DNAH2: variants seen among roughly 807,000 people sequenced by gnomAD.
DNAH2 encodes dynein axonemal heavy chain 2.
In DNAH2, 323 loss-of-function variants were observed where a neutral mutation model predicts 523.5. The ratio of observed to expected loss-of-function variants is 0.62; its 90% CI spans 0.56 to 0.68. The LOEUF (loss-of-function observed/expected upper bound fraction) is 0.68, where lower values mean the gene tolerates loss of function less well. DNAH2 is among the 30% of genes least tolerant of loss of function. The pLI is 0.00. For synonymous variants in DNAH2, 2,093 were observed against 2,177.4 expected (o/e 0.96, Z 1.08); for missense variants, 4,907 against 5,701.5 (o/e 0.86, Z 4.49).
At chr17:7,749,336 A>C (rs1480384458) in intron 12 of DNAH2, among the ~76,000 whole-genome samples, 9 of 145,668 alleles carry the variant, frequency 6.2e-5, no homozygotes, top group South Asian at 2.2e-4. Context: ...AAAAAAAAAA[A>C]AAAAAAAAAA....
rs746204402 is a variant in DNAH2, at chr17:7,723,902, C to T, written c.228+213C>T. Among the ~76,000 whole-genome samples the T allele has an allele frequency of 5.0e-4, 76 of 152,010 alleles. 1 individual carries two copies. The highest frequency in any genetic ancestry group is 1.3e-4 in the Non-Finnish European group (9 of 67,984). ...GGACAGAGGAGGGCTTTAAGTAAGG[C>T]GCAGGTCTCTCTTGTCTCCCCACCT... On this transcript the variant is annotated intron_variant, in intron 3 of 85. Transcript: ENST00000572933.
chr17:7,819,873 A>G (rs565143257), intron 72 of DNAH2, among the ~76,000 whole-genome samples: 1 of 152,080 alleles, frequency 6.6e-6, no homozygotes, highest in African/African-American at 2.4e-5. Flanking sequence ...TTCAGATCAA[A>G]CTCATTCTCT....
chr17:7,766,516 C>A lies in DNAH2; in HGVS notation c.3675+35C>A. The A allele has an allele frequency of 1.9e-6, 3 of 1,604,010 alleles. No homozygotes were observed. The South Asian group carries it at 3.3e-5, about 18-fold the overall frequency. On this transcript the variant is annotated intron_variant, in intron 22 of 85. Coordinates refer to ENST00000572933, the MANE Select transcript of DNAH2 (RefSeq NM_020877.5). ...TGAGCAAGGACCCTGTGGTCACTGT[C>A]GATAAGGGGCAGGGACAGGAGAATG... is the stretch of plus-strand genomic sequence containing the variant.
intron 2 of DNAH2, among the ~76,000 whole-genome samples, 183 bp from the exon 3 acceptor site, chr17:7,723,445 T>C (rs1327650682): frequency 6.6e-6 from 1 of 150,784 alleles, no homozygotes; most frequent in Non-Finnish European, 1.5e-5. Flanking sequence ...GCTAATTTTG[T>C]ATTTTTAGTA....
Position 7,733,229 on chromosome 17 carries a change from C to G in DNAH2, c.542C>G (p.Pro181Arg), listed in dbSNP as rs751515646. The G allele has an allele frequency of 6.2e-7, 1 of 1,614,172 alleles. No homozygotes were observed. Among genetic ancestry groups the G allele is most frequent in the Non-Finnish European group, 8.5e-7 (1 of 1,180,024 alleles). The change falls in exon 5 of 86, where the codon CCT becomes CGT. Residue 181 changes from proline to arginine, a missense_variant. Physicochemically the swap from Pro to Arg is moderately radical, Grantham distance 103. This residue lies in a region of DNAH2 where 2,806 missense variants were observed against 3,190.8 expected (regional missense o/e 0.88). Transcript: ENST00000572933. ...LLRLLGGVFA[P>R]QIFANTGWPE... Reference sequence around the variant, plus strand: ...CGGCTGCTCGGTGGAGTCTTTGCCCCTCAGATCTTTGCAAACACAGGCTGG... The same window carrying G: ...CGGCTGCTCGGTGGAGTCTTTGCCCGTCAGATCTTTGCAAACACAGGCTGG...
At chr17:7,757,061 C>T in intron 12 of DNAH2, 30 bp from the exon 13 acceptor site, 1 of 1,613,164 alleles carries the variant, frequency 6.2e-7, no homozygotes, top group Non-Finnish European at 8.5e-7. Flanking sequence ...TCGTGCGGTC[C>T]CCTCACTGCC....
intron 18 of DNAH2, among the ~76,000 whole-genome samples, chr17:7,762,855 C>T (rs1452387458): frequency 2.0e-5 from 3 of 150,098 alleles, no homozygotes; most frequent in African/African-American, 7.4e-5. Flanking sequence ...CTGTTACTGT[C>T]ACTGTATTAC....
chr17:7,735,651 C>T (rs186038987), intron 7 of DNAH2, among the ~76,000 whole-genome samples: 6 of 152,160 alleles, frequency 3.9e-5, no homozygotes, highest in African/African-American at 1.4e-4. Flanking sequence ...GTTGCCCAGG[C>T]TGGTCTCAAA....
At chr17:7,806,493 T>G (rs2077369786) in intron 61 of DNAH2, among the ~76,000 whole-genome samples, 1 of 151,576 alleles carries the variant, frequency 6.6e-6, no homozygotes. Context: ...CTGTCTCTAC[T>G]ACAAAATACA....
chr17:7,788,175 C>CCT lies in DNAH2; in HGVS notation c.6832_6833dup (p.Pro2279CysfsTer24). 6.2e-7 allele frequency: 1 copy of CCT among 1,613,654 alleles called. No homozygotes were observed. The highest frequency in any genetic ancestry group is 8.5e-7 in the Non-Finnish European group (1 of 1,179,826). ...AGGACAACTGCAAGGAGCTGGTGCCCCTGCCCGAGTACAGCGGTATCACCT... is the reference window on the plus strand; with the variant it reads ...AGGACAACTGCAAGGAGCTGGTGCCCCTCTGCCCGAGTACAGCGGTATCACCT... On this transcript the variant is annotated frameshift_variant, in exon 44 of 86. Coordinates refer to ENST00000572933, the MANE Select transcript of DNAH2 (RefSeq NM_020877.5). LOFTEE classifies it high-confidence loss of function.
intron 7 of DNAH2, among the ~76,000 whole-genome samples, chr17:7,736,632 G>A (rs2075150632): frequency 6.6e-6 from 1 of 152,176 alleles, no homozygotes; most frequent in Admixed American, 6.5e-5. Context: ...ACTGTGTAGG[G>A]CTGATGGGAG....
At chr17:7,739,160 C>A in intron 8 of DNAH2, 1 of 559,524 alleles carries the variant, frequency 1.8e-6, no homozygotes, top group East Asian at 3.1e-5. Context: ...AATCCCAGCA[C>A]TTTGGGAGGC....
chr17:7,747,631 T>G (rs565441918), intron 12 of DNAH2, among the ~76,000 whole-genome samples: 41 of 152,328 alleles, frequency 2.7e-4, no homozygotes, highest in Non-Finnish European at 1.3e-4. Flanking sequence ...ATCTTGATAG[T>G]AGAGCTTATC....
Position 7,798,167 on chromosome 17 carries a change from C to T in DNAH2, c.8241C>T (p.Ile2747=), listed in dbSNP as rs186662764. ...CCACCCCACCCCCAGTCACACGGAT[C>T]GTGCGGGTCATTGGACAGCCTCGGG... is the stretch of plus-strand genomic sequence containing the variant. ...FREAIEHITR[I]VRVIGQPRGN... Residue 2747 remains isoleucine, a synonymous_variant, in exon 54 of 86, where the codon ATC becomes ATT. Transcript: ENST00000572933. This position sits in a 1 kb window ranked among gnomAD's most constrained non-coding sequence, Gnocchi z 5.5. 3.2e-5 allele frequency: 51 copies of T among 1,593,788 alleles called. 1 individual carries two copies. Among genetic ancestry groups the T allele is most frequent in the African/African-American group, 4.0e-5 (3 of 74,642 alleles).
At chr17:7,758,806 G>T in intron 14 of DNAH2, 79 bp from the exon 15 acceptor site, 1 of 1,585,350 alleles carries the variant, frequency 6.3e-7, no homozygotes, top group South Asian at 1.1e-5. Context: ...TCTAGCTGGA[G>T]AACAAGTGGG....
In DNAH2 at chr17:7,797,468, T is replaced by C; in HGVS notation, c.8018T>C (p.Leu2673Pro). The C allele has an allele frequency of 6.2e-7, 1 of 1,614,150 alleles. No individual in the cohort carries two copies. Among genetic ancestry groups the C allele is most frequent in the South Asian group, 1.1e-5 (1 of 91,086 alleles). Reference protein sequence around the residue: ...EAFMGIISDKLGSFFDLTFHH... With the variant: ...EAFMGIISDKPGSFFDLTFHH... ...TTCATGGGCATCATAAGCGACAAGC[T>C]CGGCTCCTTCTTTGACCTCACATTT... is the stretch of plus-strand genomic sequence containing the variant. Residue 2673 changes from leucine (L) to proline (P), a missense_variant, in exon 52 of 86, where the codon CTC becomes CCC. Physicochemically the swap from Leu to Pro is moderately conservative, Grantham distance 98 (BLOSUM62 -3). This residue lies in a region of DNAH2 where 250 missense variants were observed against 371.3 expected (regional missense o/e 0.67). Coordinates refer to ENST00000572933, the MANE Select transcript of DNAH2 (RefSeq NM_020877.5).
intron 39 of DNAH2, among the ~76,000 whole-genome samples, chr17:7,785,565 A>G (rs550004712): frequency 6.6e-6 from 1 of 152,292 alleles, no homozygotes; most frequent in Non-Finnish European, 1.5e-5. Context: ...TCTTGTATCT[A>G]TTTGAAAATA....
intron 63 of DNAH2, among the ~76,000 whole-genome samples, chr17:7,809,835 C>T (rs1356972911): frequency 6.7e-6 from 1 of 148,530 alleles, no homozygotes; most frequent in Non-Finnish European, 1.5e-5. Flanking sequence ...GAGCCAAATG[C>T]ACCTTAAAAA....
chr17:7,793,513 TTCTTC>T (rs1314018228), intron 48 of DNAH2, among the ~76,000 whole-genome samples: 5,382 of 127,866 alleles, frequency 0.042, 156 homozygotes, highest in Non-Finnish European at 0.063. Context: ...CTTTCTTTCT[TTCTTC>T]TCTTTCTCTT....
Sources: allele counts gnomAD v4.1 joint callset (sites outside exome capture counted in the v4.1 genomes callset), GRCh38; gene constraint gnomAD v4.1.1; regional missense constraint gnomAD v4.1.1; non-coding constraint Gnocchi (gnomAD v3.1); transcripts MANE v1.5; gene names NCBI Gene and HGNC (gene_info 2026-07-23, HGNC 2026-07-21).